TNKS: variants seen among roughly 807,000 people sequenced by gnomAD.
TNKS encodes the protein tankyrase, also known as poly [ADP-ribose] polymerase tankyrase-1.
Under a neutral mutation model 135.8 loss-of-function variants are expected in TNKS, and 72 were observed. That is an observed-to-expected ratio of 0.53 (90% confidence interval 0.44 to 0.64). TNKS has a LOEUF of 0.64. TNKS is among the 30% of genes least tolerant of loss of function. The pLI is 0.00. For synonymous variants in TNKS, 849 were observed against 649.3 expected, an observed-to-expected ratio of 1.31 and a Z score of -4.68; for missense variants, 1,769 against 1,674.0, an observed-to-expected ratio of 1.06 and a Z score of -0.99.
chr8:9,742,510 T>C (rs1388917761), intron 17 of TNKS, among the ~76,000 whole-genome samples: 1 of 151,730 alleles, frequency 6.6e-6, no homozygotes, highest in Non-Finnish European at 1.5e-5. Flanking sequence ...AATCTATTAT[T>C]AGTAACCAAT....
intron 7 of TNKS, 69 bp downstream of exon 7, chr8:9,706,322 C>A: frequency 8.2e-7 from 1 of 1,217,134 alleles, no homozygotes. Flanking sequence ...CATGACTTTC[C>A]ATACTTTCGG....
At chr8:9,651,913 C>T (rs1467674822) in intron 3 of TNKS, among the ~76,000 whole-genome samples, 1 of 152,110 alleles carries the variant, frequency 6.6e-6, no homozygotes, top group African/African-American at 2.4e-5. Context: ...ATCCTTCACT[C>T]GAGTTTCATA....
chr8:9,683,920 G>A (rs1439999172), intron 5 of TNKS, among the ~76,000 whole-genome samples: 3 of 151,690 alleles, frequency 2.0e-5, no homozygotes, highest in Admixed American at 6.6e-5. Flanking sequence ...ATCAAAATTG[G>A]CTCCTGGCTA....
intron 18 of TNKS, 47 bp downstream of exon 18, chr8:9,748,259 A>C (rs751995294): frequency 7.4e-7 from 1 of 1,359,842 alleles, no homozygotes; most frequent in Non-Finnish European, 9.6e-7. Flanking sequence ...CTACTTTCAC[A>C]GATGACATCA....
intron 1 of TNKS, among the ~76,000 whole-genome samples, chr8:9,579,551 C>T (rs1307789556): frequency 1.3e-5 from 2 of 152,236 alleles, no homozygotes; most frequent in Admixed American, 6.5e-5. Context: ...TCACTGCCAT[C>T]TCTGCCTCCC....
chr8:9,678,227 G>A (rs550459096), intron 3 of TNKS, among the ~76,000 whole-genome samples: 106 of 152,170 alleles, frequency 7.0e-4, no homozygotes, highest in African/African-American at 2.5e-3. Flanking sequence ...GATTTACTTT[G>A]ATCCTGGTTC....
intron 5 of TNKS, among the ~76,000 whole-genome samples, chr8:9,691,227 A>G (rs956465192): frequency 4.0e-5 from 6 of 151,776 alleles, no homozygotes; most frequent in Non-Finnish European, 4.4e-5. Context: ...ACTGGGAAGG[A>G]GGCAGAATCA....
intron 3 of TNKS, among the ~76,000 whole-genome samples, chr8:9,660,264 G>T (rs1289979440): frequency 6.6e-6 from 1 of 152,150 alleles, no homozygotes; most frequent in Non-Finnish European, 1.5e-5. Context: ...TGATACCAAA[G>T]CCTGGCAGAG....
At position 9,735,432 on chromosome 8, in the gene TNKS, T is replaced by G. The variant is rs747728322; in HGVS notation, c.2589T>G (p.Val863=). 6.2e-7 allele frequency: 1 copy of G among 1,614,138 alleles called. No homozygotes were observed. Among genetic ancestry groups the G allele is most frequent in the South Asian group, 1.1e-5 (1 of 91,080 alleles). Residue 863 remains valine (V), a synonymous_variant, in exon 17 of 27, where the codon GTT becomes GTG. Coordinates refer to ENST00000310430, the MANE Select transcript of TNKS (RefSeq NM_003747.3). The part of the protein sequence containing the change: ...AEYLLEHGAD[V]NAQDKGGLIP... ...ATCTTCTAGAGCATGGAGCTGATGT[T>G]AATGCCCAGGACAAGGGTGGTTTAA...
Position 9,735,103 on chromosome 8 carries a change from T to A in TNKS, c.2533+19T>A. 6.2e-7 allele frequency: 1 copy of A among 1,602,912 alleles called. No homozygotes were observed. Among genetic ancestry groups the A allele is most frequent in the Non-Finnish European group, 8.5e-7 (1 of 1,175,438 alleles). On this transcript the variant is annotated intron_variant, in intron 16 of 26. Transcript: ENST00000310430. ...CTGGCAGGTAAGCGCCCCCAGTGCC[T>A]CCAAGCCTCCTTTTCCTTTCTCGGA...
intron 1 of TNKS, chr8:9,566,312 T>C (rs544331468): frequency 2.0e-5 from 3 of 152,288 alleles, no homozygotes; most frequent in Admixed American, 6.5e-5. Context: ...TTTTGAAACT[T>C]TGAGCAAGCT....
At chr8:9,762,533 A>T (rs1422541279) in intron 21 of TNKS, among the ~76,000 whole-genome samples, 1 of 151,972 alleles carries the variant, frequency 6.6e-6, no homozygotes, top group African/African-American at 2.4e-5. Flanking sequence ...ACATAGCTTC[A>T]TGTATGTTCA....
intron 5 of TNKS, among the ~76,000 whole-genome samples, chr8:9,696,727 G>A (rs1034314118): frequency 8.6e-5 from 13 of 151,912 alleles, no homozygotes; most frequent in African/African-American, 3.1e-4. Context: ...GAAATAGCTG[G>A]GGATATAGCT....
At chr8:9,674,430 T>G (rs1232282382) in intron 3 of TNKS, among the ~76,000 whole-genome samples, 4 of 152,186 alleles carry the variant, frequency 2.6e-5, no homozygotes, top group Admixed American at 2.6e-4. Context: ...GTTTTGGTAG[T>G]GATAATTTTA....
intron 3 of TNKS, among the ~76,000 whole-genome samples, chr8:9,667,153 C>G (rs996062739): frequency 6.6e-6 from 1 of 152,152 alleles, no homozygotes; most frequent in Non-Finnish European, 1.5e-5. Flanking sequence ...CTCAAAAACA[C>G]TTTCTTCAGA....
intron 14 of TNKS, among the ~76,000 whole-genome samples, chr8:9,732,534 G>A (rs1453040083): frequency 6.7e-6 from 1 of 149,866 alleles, no homozygotes; most frequent in African/African-American, 2.5e-5. Context: ...ATCAGCATTT[G>A]CTTCTATTGC....
At chr8:9,644,947 G>A (rs922524273) in intron 3 of TNKS, among the ~76,000 whole-genome samples, 4 of 152,074 alleles carry the variant, frequency 2.6e-5, no homozygotes, top group African/African-American at 9.7e-5. Context: ...CCCACTATAG[G>A]CCAATGTAAG....
chr8:9,556,727 C>T (rs34206126), intron 1 of TNKS, 115 bp downstream of exon 1: 298,543 of 1,226,314 alleles, frequency 0.24, 37,940 homozygotes, highest in East Asian at 0.4. Flanking sequence ...TATGGTTCTT[C>T]ATCACCTCAC....
At chr8:9,587,016 G>A (rs1048184666) in intron 2 of TNKS, among the ~76,000 whole-genome samples, 5 of 152,196 alleles carry the variant, frequency 3.3e-5, no homozygotes, top group African/African-American at 1.2e-4. Context: ...CATGCTATAT[G>A]TGGTAGGCAA....
Sources: allele counts gnomAD v4.1 joint callset (sites outside exome capture counted in the v4.1 genomes callset), GRCh38; gene constraint gnomAD v4.1.1; transcripts MANE v1.5; gene names NCBI Gene and HGNC (gene_info 2026-07-23, HGNC 2026-07-21).